Variants in TMEM53 observed in about 807,000 individuals in gnomAD.
The protein encoded by TMEM53 is novel DUF829 domain-containing protein.
A neutral mutation model predicts 21.4 loss-of-function variants in TMEM53; 14 were observed. The ratio of observed to expected loss-of-function variants is 0.65; its 90% CI spans 0.43 to 1.02. The LOEUF is 1.02. TMEM53 is among the 50% of genes least tolerant of loss of function. The pLI is 0.00. For missense variants in TMEM53, 323 were observed against 383.6 expected, an observed-to-expected ratio of 0.84 and a Z score of 1.32; for synonymous variants, 148 against 157.4, an observed-to-expected ratio of 0.94 and a Z score of 0.45.
Position 44,674,449 on chromosome 1 carries a change from G to C in TMEM53, c.-58C>G. 6.4e-7 allele frequency: 1 copy of C among 1,557,248 alleles called. No individual in the cohort carries two copies. The highest frequency in any genetic ancestry group is 1.4e-5 in the African/African-American group (1 of 72,878). On this transcript the variant is annotated 5_prime_UTR_variant, in exon 1 of 3. Transcript: ENST00000372237. ...AGCCGGAACTCCCGCTTGCGCACCC[G>C]TGCCTCACCCGGGCGCCTCCTGGGC...
At chr1:44,668,378 G>A (rs985171415) in intron 1 of TMEM53, among the ~76,000 whole-genome samples, 4 of 151,756 alleles carry the variant, frequency 2.6e-5, no homozygotes, top group Admixed American at 6.6e-5. Context: ...AGCTGAGATC[G>A]CACCACTGCA....
rs564996723 is a variant in TMEM53, at chr1:44,654,241, C to A, written c.*318G>T. 128 of 300,402 alleles carry A rather than the reference C, an allele frequency of 4.3e-4. No individual in the cohort carries two copies. The highest frequency in any genetic ancestry group is 2.3e-3 in the Admixed American group (50 of 21,278). 18.6% of individuals were successfully genotyped at this position (300,402 alleles called of 1,614,324 possible). ...AACTAGGGCTCACCCTCAACACCCC[C>A]CTCCATTTGTCAACCTCTACAGCCT... On this transcript the variant is annotated 3_prime_UTR_variant, in exon 3 of 3. Coordinates refer to ENST00000372237, the MANE Select transcript of TMEM53 (RefSeq NM_024587.4). The surrounding 1 kb of genome is among the most constrained non-coding windows in gnomAD (Gnocchi z 7.0).
At position 44,654,350 on chromosome 1, in the gene TMEM53, C is replaced by T; in HGVS notation, c.*209G>A. On this transcript the variant is annotated 3_prime_UTR_variant, in exon 3 of 3. Transcript: ENST00000372237. This position sits in a 1 kb window ranked among gnomAD's most constrained non-coding sequence, Gnocchi z 7.0. ...AGGCTCCCACAGACACATGCCCAGG[C>T]ACTCCTGCCCCTTAGGATTCTGTGG... is the stretch of plus-strand genomic sequence containing the variant. The T allele has an allele frequency of 1.7e-6, 1 of 583,378 alleles. No individual in the cohort carries two copies. 36.1% of individuals were successfully genotyped at this position (583,378 alleles called of 1,614,324 possible).
chr1:44,656,230 C>T (rs181371452), intron 2 of TMEM53, among the ~76,000 whole-genome samples: 83 of 152,034 alleles, frequency 5.5e-4, no homozygotes, highest in African/African-American at 1.9e-3. Flanking sequence ...TATAAGATTA[C>T]GGTGAAATTG....
At chr1:44,660,019 G>A (rs1025324664) in intron 2 of TMEM53, among the ~76,000 whole-genome samples, 155 bp downstream of exon 2, 5 of 152,016 alleles carry the variant, frequency 3.3e-5, no homozygotes, top group African/African-American at 4.8e-5. Context: ...CCACCAGGCC[G>A]GCTAATTTTT....
At position 44,655,032 on chromosome 1, in the gene TMEM53, G is replaced by C; in HGVS notation, c.361C>G (p.Arg121Gly). ...GTCTGCAGGAGCTCCAGCACGTAGC[G>C]GTACAGCATGACGCCACCGTTGCTG... ...VFSNGGVMLY[R>G]YVLELLQTRR... is the part of the protein sequence containing the mutation. The change falls in exon 3 of 3, where the codon CGC becomes GGC. Residue 121 changes from arginine to glycine, a missense_variant. Arg to Gly is a moderately radical substitution (Grantham distance 125). Around this residue, in one of 3 missense-constraint regions of TMEM53, gnomAD observed 269 missense variants for 334.5 expected, o/e 0.80. Coordinates refer to ENST00000372237, the MANE Select transcript of TMEM53 (RefSeq NM_024587.4). This position sits in a 1 kb window ranked among gnomAD's most constrained non-coding sequence, Gnocchi z 4.4. 6.2e-7 allele frequency: 1 copy of C among 1,614,164 alleles called. No individual in the cohort carries two copies. The highest frequency in any genetic ancestry group is 8.5e-7 in the Non-Finnish European group (1 of 1,180,018).
chr1:44,674,333 T>C lies in TMEM53; in HGVS notation c.59A>G (p.Gln20Arg). Residue 20 changes from glutamine (Q) to arginine (R), a missense_variant and splice_region_variant, in exon 1 of 3, where the codon CAG becomes CGG. Physicochemically the swap from Gln to Arg is conservative, Grantham distance 43. This residue lies in a region of TMEM53 where 49 missense variants were observed against 32.9 expected (regional missense o/e 1.49). Transcript: ENST00000372237. ...TGGACCCAACCCTCATTCCATACTC[T>C]GGCTCCAGCAGGGCTGATCCGGGAT... ...IEIPDQPCWSQKNSPSPGGKE... is the reference protein window; with the variant it reads ...IEIPDQPCWSRKNSPSPGGKE... 6.2e-7 allele frequency: 1 copy of C among 1,612,010 alleles called. No individual in the cohort carries two copies.
rs140679940 is a variant in TMEM53, at chr1:44,666,789, G to A, written c.62-6494C>T. ...TGATGAAAATGTTTTGGAATTAGAT[G>A]GCAGTGATATTCTTACAATTCTGTG... On this transcript the variant is annotated intron_variant, in intron 1 of 2. Coordinates refer to ENST00000372237, the MANE Select transcript of TMEM53 (RefSeq NM_024587.4). Among the ~76,000 whole-genome samples, 261 of 152,200 alleles carry A rather than the reference G, an allele frequency of 1.7e-3. 2 individuals are homozygous for A. The highest frequency in any genetic ancestry group is 6.0e-3 in the African/African-American group (249 of 41,532).
chr1:44,669,999 T>C (rs905549375), intron 1 of TMEM53, among the ~76,000 whole-genome samples: 1 of 151,664 alleles, frequency 6.6e-6, no homozygotes, highest in African/African-American at 2.4e-5. Flanking sequence ...GGTTTCTCCA[T>C]ATTGGTCAGG....
rs952582648 is a variant in TMEM53 at position 44,660,109 on chromosome 1, C to T, written c.183+65G>A. 5 of 1,563,028 alleles carry T rather than the reference C, an allele frequency of 3.2e-6. No homozygotes were observed. The African/African-American group carries it at 4.1e-5, about 13-fold the overall frequency. On this transcript the variant is annotated intron_variant, in intron 2 of 2. Coordinates refer to ENST00000372237, the MANE Select transcript of TMEM53 (RefSeq NM_024587.4). ...TAGAGGCTGTTCTTAAAGCCATTCC[C>T]AGTCCTGCCTCAAAGGTGGTCAGCC...
chr1:44,671,247 C>T (rs1302440934), intron 1 of TMEM53, among the ~76,000 whole-genome samples: 2 of 152,196 alleles, frequency 1.3e-5, no homozygotes, highest in African/African-American at 4.8e-5. Flanking sequence ...TTAGCAAAGG[C>T]CTGGGCAGAC....
intron 1 of TMEM53, among the ~76,000 whole-genome samples, chr1:44,671,025 C>T (rs532148261): frequency 6.6e-6 from 1 of 152,272 alleles, no homozygotes; most frequent in South Asian, 2.1e-4. Flanking sequence ...CCATTCAGCT[C>T]ACTTGGTACA....
chr1:44,669,549 C>G (rs139726798), intron 1 of TMEM53, among the ~76,000 whole-genome samples: 174 of 152,250 alleles, frequency 1.1e-3, no homozygotes, highest in African/African-American at 3.8e-3. Context: ...TACCTCCCCA[C>G]GAGCATCTGT....
intron 1 of TMEM53, among the ~76,000 whole-genome samples, chr1:44,664,894 A>G (rs1644934201): frequency 6.6e-6 from 1 of 152,180 alleles, no homozygotes; most frequent in African/African-American, 2.4e-5. Context: ...GAAGCAGCAG[A>G]GCCAGCGCCC....
chr1:44,661,332 G>A (rs1479391710), intron 1 of TMEM53, among the ~76,000 whole-genome samples: 1 of 151,990 alleles, frequency 6.6e-6, no homozygotes, highest in African/African-American at 2.4e-5. Context: ...CCGGGTTCAA[G>A]CAATTCTCCT....
chr1:44,663,335 G>A (rs1175597904), intron 1 of TMEM53, among the ~76,000 whole-genome samples: 2 of 152,146 alleles, frequency 1.3e-5, no homozygotes, highest in South Asian at 2.1e-4. Flanking sequence ...CCGCCCCCTG[G>A]GTTCAAGAGA....
chr1:44,667,279 C>T (rs1455556672), intron 1 of TMEM53, among the ~76,000 whole-genome samples: 2 of 151,132 alleles, frequency 1.3e-5, no homozygotes, highest in Non-Finnish European at 2.9e-5. Flanking sequence ...TACCCATATA[C>T]ACACACATAC....
chr1:44,660,833 C>A (rs1644894896), intron 1 of TMEM53, among the ~76,000 whole-genome samples: 1 of 151,482 alleles, frequency 6.6e-6, no homozygotes, highest in Admixed American at 6.6e-5. Flanking sequence ...ATTAGCCGTG[C>A]GTGGTGGCAG....
At chr1:44,656,599 C>G (rs774265566) in intron 2 of TMEM53, among the ~76,000 whole-genome samples, 12 of 152,162 alleles carry the variant, frequency 7.9e-5, no homozygotes, top group Admixed American at 2.0e-4. Flanking sequence ...CTGGCAGCAT[C>G]TGGAATCACA....
Sources: allele counts gnomAD v4.1 joint callset (sites outside exome capture counted in the v4.1 genomes callset), GRCh38; gene constraint gnomAD v4.1.1; regional missense constraint gnomAD v4.1.1; non-coding constraint Gnocchi (gnomAD v3.1); transcripts MANE v1.5; gene names NCBI Gene and HGNC (gene_info 2026-07-23, HGNC 2026-07-21).